Variants in SLC16A10 observed in about 807,000 individuals in gnomAD.
SLC16A10 encodes monocarboxylate transporter 10.
SLC16A10 carries 27 observed loss-of-function variants against 40.0 expected under a neutral mutation model. The ratio of observed to expected loss-of-function variants is 0.67; its 90% CI spans 0.50 to 0.93. The LOEUF (loss-of-function observed/expected upper bound fraction) is 0.93. SLC16A10 is among the 40% of genes least tolerant of loss of function. SLC16A10 has a pLI of 0.00. For synonymous variants in SLC16A10, 213 were observed against 249.8 expected (o/e 0.85, Z 1.39); for missense variants, 529 against 658.2 (o/e 0.80, Z 2.15).
intron 3 of SLC16A10, among the ~76,000 whole-genome samples, chr6:111,194,167 C>G (rs987045463): frequency 6.6e-6 from 1 of 152,168 alleles, no homozygotes; most frequent in Admixed American, 6.5e-5. Flanking sequence ...AGTACAAGGT[C>G]TACTAATTTC....
chr6:111,136,827 T>G (rs1324832045), intron 1 of SLC16A10, among the ~76,000 whole-genome samples: 1 of 152,178 alleles, frequency 6.6e-6, no homozygotes, highest in East Asian at 1.9e-4. Flanking sequence ...CTGGCAGAAC[T>G]AATAGCCCTC....
intron 5 of SLC16A10, 89 bp from the exon 6 acceptor site, chr6:111,221,914 T>C: frequency 8.0e-7 from 1 of 1,252,746 alleles, no homozygotes; most frequent in Non-Finnish European, 1.1e-6. Flanking sequence ...GTCTGATGTC[T>C]GAGATGTCTG....
chr6:111,111,134 A>G (rs921002448), intron 1 of SLC16A10, among the ~76,000 whole-genome samples: 9 of 152,114 alleles, frequency 5.9e-5, no homozygotes, highest in Admixed American at 1.3e-4. Context: ...ACCTGTTTTG[A>G]TTTCTACTTA....
At chr6:111,147,398 A>G (rs1422684403) in intron 1 of SLC16A10, among the ~76,000 whole-genome samples, 1 of 152,238 alleles carries the variant, frequency 6.6e-6, no homozygotes, top group Non-Finnish European at 1.5e-5. Flanking sequence ...GCAATACACA[A>G]ACAATATCAT....
At chr6:111,173,286 CTT>C (rs1583343594) in intron 2 of SLC16A10, among the ~76,000 whole-genome samples, 1 of 152,160 alleles carries the variant, frequency 6.6e-6, no homozygotes, top group Non-Finnish European at 1.5e-5. Context: ...GAGACCAAAA[CTT>C]TGCCATTTAT....
intron 3 of SLC16A10, among the ~76,000 whole-genome samples, chr6:111,182,977 GTC>G (rs1437272805): frequency 4.6e-5 from 7 of 152,160 alleles, no homozygotes; most frequent in Admixed American, 1.3e-4. Flanking sequence ...CTCCTAACTG[GTC>G]TCTCTGTTCC....
Position 111,222,456 on chromosome 6 carries a change from C to CAT in SLC16A10, c.*221_*222insAT, listed in dbSNP as rs34198423. 0.85 allele frequency: 405,696 copies of CAT among 475,774 alleles called. 173,525 individuals are homozygous for CAT. The highest frequency in any genetic ancestry group is 0.87 in the Non-Finnish European group (251,015 of 287,830). The allele number at this position is 475,774 out of a possible 1,614,324, so 29.5% of individuals were successfully genotyped here. On this transcript the variant is annotated 3_prime_UTR_variant, in exon 6 of 6. Transcript: ENST00000368851. ...GGGCAGAGACTCTGGTATATGAAAA[C>CAT]GTCTGAAAGTCACATATTGTGAAAA...
rs2114600850 is a variant in SLC16A10, at chr6:111,226,452, T to G, written c.*4217T>G. The G allele has an allele frequency of 6.6e-6, 1 of 152,294 alleles. No homozygotes were observed. Among genetic ancestry groups the G allele is most frequent in the East Asian group, 1.9e-4 (1 of 5,192 alleles). The allele number at this position is 152,294 out of a possible 1,614,324, so 9.4% of individuals were successfully genotyped here. On this transcript the variant is annotated 3_prime_UTR_variant, in exon 6 of 6. Transcript: ENST00000368851. Reference sequence around the variant, plus strand: ...AAATGCATAAGCTAATTAGCTCCAATTTTATAATATGTAAACAATTTAAAC... The same window carrying G: ...AAATGCATAAGCTAATTAGCTCCAAGTTTATAATATGTAAACAATTTAAAC...
chr6:111,181,215 C>CAA (rs78386837), intron 3 of SLC16A10, among the ~76,000 whole-genome samples: 11 of 82,960 alleles, frequency 1.3e-4, no homozygotes, highest in Admixed American at 2.6e-4. Flanking sequence ...AACTCCATCT[C>CAA]AAAAAAAAAA....
At chr6:111,194,185 A>G (rs1488918187) in intron 3 of SLC16A10, among the ~76,000 whole-genome samples, 1 of 152,156 alleles carries the variant, frequency 6.6e-6, no homozygotes, top group South Asian at 2.1e-4. Context: ...TTCTCTACTC[A>G]TGACTACTTT....
intron 3 of SLC16A10, among the ~76,000 whole-genome samples, chr6:111,197,701 A>G (rs543005281): frequency 9.2e-5 from 14 of 152,198 alleles, no homozygotes; most frequent in African/African-American, 3.1e-4. Context: ...GCATCTGCTC[A>G]GTTTTCTGGT....
Position 111,177,483 on chromosome 6 carries a change from C to G in SLC16A10, c.760C>G (p.Leu254Val). 6.2e-7 allele frequency: 1 copy of G among 1,614,116 alleles called. No homozygotes were observed. The highest frequency in any genetic ancestry group is 1.1e-5 in the South Asian group (1 of 91,082). Residue 254 changes from leucine to valine, a missense_variant, in exon 3 of 6, where the codon CTT becomes GTT. Physicochemically the swap from Leu to Val is conservative, Grantham distance 32. Coordinates refer to ENST00000368851, the MANE Select transcript of SLC16A10 (RefSeq NM_018593.5). ...LFLAGFTYRP[L>V]ATSTKDKESG... ...TCTGGCTGGCTTTACTTACCGACCT[C>G]TTGCTACCAGTACCAAAGATAAAGA...
chr6:111,143,399 T>C (rs1310529309), intron 1 of SLC16A10, among the ~76,000 whole-genome samples: 4 of 152,088 alleles, frequency 2.6e-5, no homozygotes, highest in African/African-American at 9.7e-5. Context: ...ATTTTTCTTC[T>C]AGAGACAAGG....
At chr6:111,217,075 T>C (rs1773437807) in intron 4 of SLC16A10, among the ~76,000 whole-genome samples, 1 of 152,214 alleles carries the variant, frequency 6.6e-6, no homozygotes, top group Admixed American at 6.5e-5. Context: ...ACAGCTGCTT[T>C]ATCTGGTCTC....
intron 3 of SLC16A10, among the ~76,000 whole-genome samples, chr6:111,204,875 G>A (rs1773230170): frequency 6.6e-6 from 1 of 151,948 alleles, no homozygotes; most frequent in Non-Finnish European, 1.5e-5. Context: ...TCTCTCCAAT[G>A]AACCTGTTTT....
chr6:111,174,391 C>G (rs1772641575), intron 2 of SLC16A10, among the ~76,000 whole-genome samples: 1 of 151,942 alleles, frequency 6.6e-6, no homozygotes, highest in Admixed American at 6.6e-5. Flanking sequence ...ACATCCCTTC[C>G]TCAACTCTAA....
chr6:111,213,572 C>T (rs1441368552), intron 4 of SLC16A10, among the ~76,000 whole-genome samples: 1 of 152,150 alleles, frequency 6.6e-6, no homozygotes. Flanking sequence ...TAAGCTATTT[C>T]CAAAGTAGTA....
intron 1 of SLC16A10, among the ~76,000 whole-genome samples, chr6:111,168,943 C>T (rs899754022): frequency 2.0e-5 from 3 of 152,136 alleles, no homozygotes; most frequent in Admixed American, 2.0e-4. Context: ...CACTTGTTCT[C>T]TTACTTGGTA....
At chr6:111,147,335 TTAAA>T (rs1387100544) in intron 1 of SLC16A10, among the ~76,000 whole-genome samples, 28 of 152,240 alleles carry the variant, frequency 1.8e-4, no homozygotes, top group African/African-American at 6.3e-4. Flanking sequence ...AAATGTCTTA[TTAAA>T]TAGTTTAATA....
Sources: allele counts gnomAD v4.1 joint callset (sites outside exome capture counted in the v4.1 genomes callset), GRCh38; gene constraint gnomAD v4.1.1; transcripts MANE v1.5; gene names NCBI Gene and HGNC (gene_info 2026-07-23, HGNC 2026-07-21).